Variants in ZNRF2 observed in about 807,000 individuals in gnomAD.
ZNRF2 encodes the protein E3 ubiquitin-protein ligase ZNRF2.
A neutral mutation model predicts 20.4 loss-of-function variants in ZNRF2; 16 were observed. That is an observed-to-expected ratio of 0.79 (90% CI 0.53 to 1.19). The LOEUF (loss-of-function observed/expected upper bound fraction) is 1.19, where lower values mean the gene tolerates loss of function less well. ZNRF2 is among the 50% of genes most tolerant of loss of function. The probability of loss-of-function intolerance (pLI) is 0.00; values close to 1 mark genes in which losing one functional copy is unlikely to be tolerated. For synonymous variants in ZNRF2, 178 were observed against 144.9 expected, an observed-to-expected ratio of 1.23 and a Z score of -1.64; for missense variants, 363 against 332.4, an observed-to-expected ratio of 1.09 and a Z score of -0.72.
In ZNRF2 at chr7:30,313,667, G is replaced by A. The variant is rs560091473; in HGVS notation, c.470-9975G>A. ...TAGTCAGATTTCTAGAATTGCCCCC[G>A]AGAATATGGACTAAGTTACCGTTGG... On this transcript the variant is annotated intron_variant, in intron 1 of 4. Transcript: ENST00000323037. Among the ~76,000 whole-genome samples the A allele has an allele frequency of 1.7e-3, 252 of 151,988 alleles. 1 individual carries two copies. The highest frequency in any genetic ancestry group is 5.7e-3 in the African/African-American group (237 of 41,446).
intron 3 of ZNRF2, among the ~76,000 whole-genome samples, chr7:30,358,712 G>A (rs1221938226): frequency 6.6e-6 from 1 of 152,184 alleles, no homozygotes; most frequent in Non-Finnish European, 1.5e-5. Flanking sequence ...GTGAGCCAGT[G>A]GAACGGAATG....
chr7:30,297,258 C>G (rs1394489134), intron 1 of ZNRF2, among the ~76,000 whole-genome samples: 5 of 152,064 alleles, frequency 3.3e-5, no homozygotes, highest in Non-Finnish European at 5.9e-5. Context: ...TCTGACCTAC[C>G]CTGTTCCGAA....
At chr7:30,355,586 G>A (rs969757058) in intron 2 of ZNRF2, 142 bp from the exon 3 acceptor site, 6 of 578,114 alleles carry the variant, frequency 1.0e-5, no homozygotes, top group South Asian at 2.2e-5. Flanking sequence ...TCAAATACAC[G>A]TGCTGAGTTT....
At chr7:30,308,133 A>G (rs893636444) in intron 1 of ZNRF2, among the ~76,000 whole-genome samples, 6 of 152,150 alleles carry the variant, frequency 3.9e-5, no homozygotes, top group African/African-American at 1.2e-4. Flanking sequence ...TTATATATAC[A>G]TTTGTAAAGA....
chr7:30,365,588 T>A (rs750807445), intron 4 of ZNRF2, among the ~76,000 whole-genome samples: 1 of 152,172 alleles, frequency 6.6e-6, no homozygotes, highest in African/African-American at 2.4e-5. Flanking sequence ...GTATACCTTT[T>A]AATAGTCCTA....
intron 4 of ZNRF2, among the ~76,000 whole-genome samples, chr7:30,363,114 C>T (rs562174504): frequency 3.9e-4 from 59 of 151,628 alleles, no homozygotes; most frequent in African/African-American, 1.4e-3. Flanking sequence ...GAGCGAGTCT[C>T]CTTCTCAAAA....
At chr7:30,307,733 A>C (rs1799232584) in intron 1 of ZNRF2, among the ~76,000 whole-genome samples, 2 of 152,074 alleles carry the variant, frequency 1.3e-5, no homozygotes, top group Admixed American at 1.3e-4. Context: ...ATTTTGATTT[A>C]ATGAAATTTT....
chr7:30,316,658 T>C (rs1799381835), intron 1 of ZNRF2, among the ~76,000 whole-genome samples: 1 of 152,242 alleles, frequency 6.6e-6, no homozygotes, highest in Non-Finnish European at 1.5e-5. Context: ...TAAGTCGCTG[T>C]CATTTTTAAG....
At chr7:30,331,684 A>C (rs2127949256) in intron 2 of ZNRF2, among the ~76,000 whole-genome samples, 1 of 152,346 alleles carries the variant, frequency 6.6e-6, no homozygotes, top group East Asian at 1.9e-4. Flanking sequence ...GAAAGCTAGA[A>C]ATTCTCAGAT....
intron 1 of ZNRF2, among the ~76,000 whole-genome samples, chr7:30,293,725 A>T (rs773382480): frequency 6.6e-6 from 1 of 152,218 alleles, no homozygotes; most frequent in Non-Finnish European, 1.5e-5. Context: ...TTTGATATTT[A>T]TAAGTGCAGA....
intron 1 of ZNRF2, among the ~76,000 whole-genome samples, chr7:30,299,870 C>T (rs1190137885): frequency 2.0e-5 from 3 of 150,450 alleles, no homozygotes; most frequent in East Asian, 3.9e-4. Context: ...AGCTCTGCCT[C>T]CCAAGTTCAT....
At chr7:30,344,780 C>T (rs989025480) in intron 2 of ZNRF2, among the ~76,000 whole-genome samples, 2 of 152,186 alleles carry the variant, frequency 1.3e-5, no homozygotes, top group Non-Finnish European at 2.9e-5. Flanking sequence ...AAATAATTAC[C>T]TAGATTTCTT....
At chr7:30,289,952 A>G (rs980485627) in intron 1 of ZNRF2, 21 of 522,864 alleles carry the variant, frequency 4.0e-5, no homozygotes, top group African/African-American at 3.3e-4. Context: ...CTGATTACCA[A>G]ATATCATTAA....
At chr7:30,365,140 T>C (rs1385959478) in intron 4 of ZNRF2, among the ~76,000 whole-genome samples, 1 of 142,760 alleles carries the variant, frequency 7.0e-6, no homozygotes, top group African/African-American at 2.6e-5. Flanking sequence ...ACCATAGAGC[T>C]GATAAGCTTT....
chr7:30,332,707 ATTC>A (rs970135030), intron 2 of ZNRF2, among the ~76,000 whole-genome samples: 2 of 151,982 alleles, frequency 1.3e-5, no homozygotes, highest in African/African-American at 4.8e-5. Context: ...ATATTGTTTC[ATTC>A]TTTTTTTATG....
intron 1 of ZNRF2, among the ~76,000 whole-genome samples, chr7:30,287,933 A>G (rs1336312095): frequency 6.6e-6 from 1 of 152,224 alleles, no homozygotes; most frequent in African/African-American, 2.4e-5. Flanking sequence ...GAAAGACATC[A>G]GAGAAATTAC....
chr7:30,337,754 ATAAT>A (rs772767803), intron 2 of ZNRF2, among the ~76,000 whole-genome samples: 24 of 151,954 alleles, frequency 1.6e-4, no homozygotes, highest in African/African-American at 4.1e-4. Flanking sequence ...AATTAATAAA[ATAAT>A]TAATTTTCTC....
rs1290135946 is a variant in ZNRF2 at position 30,366,083 on chromosome 7, T to C, written c.*71T>C. The stretch of plus-strand genomic sequence containing the variant: ...TTGAAAAACCAAGAGGATATGAAAA[T>C]CTGTCTCTGGAGAAACAAAGACGCA... On this transcript the variant is annotated 3_prime_UTR_variant, in exon 5 of 5. Transcript: ENST00000323037. The C allele has an allele frequency of 6.6e-6, 1 of 152,472 alleles. No homozygotes were observed. The highest frequency in any genetic ancestry group is 2.4e-5 in the African/African-American group (1 of 41,426). The allele number at this position is 152,472 out of a possible 1,614,324, so 9.4% of individuals were successfully genotyped here.
chr7:30,333,356 A>G (rs1302226604), intron 2 of ZNRF2, among the ~76,000 whole-genome samples: 1 of 131,370 alleles, frequency 7.6e-6, no homozygotes, highest in East Asian at 2.3e-4. Flanking sequence ...GCCTGGCCAT[A>G]TTTTGACTTT....
Sources: gnomAD v4.1 joint callset for allele counts (sites outside exome capture counted in the v4.1 genomes callset) on GRCh38, gnomAD v4.1.1 for gene constraint, MANE v1.5 for transcripts, NCBI Gene and HGNC (gene_info 2026-07-23, HGNC 2026-07-21) for gene names.